The following LZTR1 variants were observed in gnomAD, a reference collection of about 807,000 sequenced individuals.
LZTR1 encodes the protein leucine-zipper-like transcriptional regulator 1.
In LZTR1, 260 loss-of-function variants were observed where a neutral mutation model predicts 105.7. The ratio of observed to expected loss-of-function variants is 2.46; its 90% CI spans 2.22 to 2.72. The LOEUF (loss-of-function observed/expected upper bound fraction) is 2.72. Ranked by LOEUF, LZTR1 falls within the 30% of genes most tolerant of loss-of-function variation. The pLI is 0.00. For synonymous variants in LZTR1, 490 were observed against 476.4 expected (o/e 1.03, Z -0.37); for missense variants, 1,214 against 1,166.9 (o/e 1.04, Z -0.59).
At chr22:20,988,995 C>T in intron 6 of LZTR1, 123 bp downstream of exon 6, 1 of 830,740 alleles carries the variant, frequency 1.2e-6, no homozygotes, top group East Asian at 2.6e-5. Flanking sequence ...TTGAGTGCCA[C>T]TCTGTCTGGG....
chr22:20,985,831 T>A lies in LZTR1; in HGVS notation c.264-10T>A. The A allele has an allele frequency of 6.2e-7, 1 of 1,614,054 alleles. No individual in the cohort carries two copies. Among genetic ancestry groups the A allele is most frequent in the Non-Finnish European group, 8.5e-7 (1 of 1,179,952 alleles). On this transcript the variant is annotated splice_polypyrimidine_tract_variant and intron_variant, in intron 2 of 20. Coordinates refer to ENST00000646124, the MANE Select transcript of LZTR1 (RefSeq NM_006767.4). ...GGCTAATGCCACCCTCTCTTCCGGCTGCCTTTCAGGAAGACCATGCTCAAT... is the reference window on the plus strand; with the variant it reads ...GGCTAATGCCACCCTCTCTTCCGGCAGCCTTTCAGGAAGACCATGCTCAAT...
chr22:20,996,068 C>T lies in LZTR1; in HGVS notation c.2175C>T (p.Arg725=), dbSNP rs1257153938. Reference sequence around the variant, plus strand: ...GGCAGGCCTTCGAGTCCATGCTGCGCTACATCTACTACGGCGAGGTCAACA... The same window carrying T: ...GGCAGGCCTTCGAGTCCATGCTGCGTTACATCTACTACGGCGAGGTCAACA... ...PSRQAFESML[R]YIYYGEVNMP... Residue 725 remains arginine, a synonymous_variant, in exon 18 of 21, where the codon CGC becomes CGT. Coordinates refer to ENST00000646124, the MANE Select transcript of LZTR1 (RefSeq NM_006767.4). 6.2e-7 allele frequency: 1 copy of T among 1,613,354 alleles called. No individual in the cohort carries two copies. Among genetic ancestry groups the T allele is most frequent in the South Asian group, 1.1e-5 (1 of 91,090 alleles).
At position 20,984,275 on chromosome 22, in the gene LZTR1, T is replaced by C. The variant is rs145810579; in HGVS notation, c.263+1186T>C. On this transcript the variant is annotated intron_variant, in intron 2 of 20. Transcript: ENST00000646124. ...CTCCTTTTACCATTGTATCCTGGCA[T>C]CTAGAAAACTCCATAAATGTTTGTC... 1.6e-4 allele frequency among the ~76,000 whole-genome samples: 25 copies of C among 152,306 alleles called. No homozygotes were observed. The East Asian group carries it at 4.1e-3, about 25-fold the overall frequency.
rs1012580164 is a variant in LZTR1 at position 20,997,555 on chromosome 22, G to C, written c.*207G>C. On this transcript the variant is annotated 3_prime_UTR_variant, in exon 21 of 21. Transcript: ENST00000646124. Reference sequence around the variant, plus strand: ...GAAGACACAGGTCCCACAGGGAGCGGATGATGAAGCAGACCCCCTCCTGTC... The same window carrying C: ...GAAGACACAGGTCCCACAGGGAGCGCATGATGAAGCAGACCCCCTCCTGTC... 1.9e-6 allele frequency: 1 copy of C among 538,480 alleles called. No individual in the cohort carries two copies. Among genetic ancestry groups the C allele is most frequent in the Non-Finnish European group, 3.4e-6 (1 of 297,724 alleles). The allele number at this position is 538,480 out of a possible 1,614,324, so 33.4% of individuals were successfully genotyped here.
chr22:20,986,940 A>G lies in LZTR1; in HGVS notation c.321-564A>G, dbSNP rs889275685. ...TAAAAAATTTCATGGAAGCCTAAGTATGCGTAGGAGAGGTGTGCAGGGAAG... is the reference window on the plus strand; with the variant it reads ...TAAAAAATTTCATGGAAGCCTAAGTGTGCGTAGGAGAGGTGTGCAGGGAAG... On this transcript the variant is annotated intron_variant, in intron 3 of 20. Transcript: ENST00000646124. The G allele has an allele frequency of 4.6e-5, 7 of 152,358 alleles. No individual in the cohort carries two copies. The East Asian group carries it at 7.7e-4, about 17-fold the overall frequency. 9.4% of individuals were successfully genotyped at this position (152,358 alleles called of 1,614,324 possible).
Position 20,987,555 on chromosome 22 carries a change from C to G in LZTR1, c.372C>G (p.Val124=), listed in dbSNP as rs371891909. The G allele has an allele frequency of 1.9e-6, 3 of 1,614,162 alleles. No homozygotes were observed. The highest frequency in any genetic ancestry group is 2.5e-6 in the Non-Finnish European group (3 of 1,180,022). The part of the protein sequence containing the change: ...PPAPRYHHSA[V]VYGSSMFVFG... ...CCCCCCGTTACCACCACTCGGCCGT[C>G]GTCTATGGGAGCAGCATGTTTGTCT... The change falls in exon 4 of 21, where the codon GTC becomes GTG. Residue 124 remains valine, a synonymous_variant. Transcript: ENST00000646124.
rs1569154722 is a variant in LZTR1, at chr22:20,988,095, G to A, written c.486G>A (p.Trp162Ter). ...AATACAAGTTTGCAACTGGCCAGTG[G>A]ACGGAGTGGAAAATTGAAGGACGGT... ...LFEYKFATGQWTEWKIEGRLP... is the reference protein window; with the variant it reads ...LFEYKFATGQ Residue 162 changes from tryptophan to a stop codon, truncating the protein, a stop_gained, in exon 5 of 21, where the codon TGG (tryptophan) becomes TGA (stop). Transcript: ENST00000646124. LOFTEE classifies it high-confidence loss of function. 1.9e-6 allele frequency: 3 copies of A among 1,611,818 alleles called. No individual in the cohort carries two copies. The highest frequency in any genetic ancestry group is 2.2e-5 in the East Asian group (1 of 44,876).
In LZTR1 at chr22:20,992,835, G is replaced by A. The variant is rs766203090; in HGVS notation, c.1191G>A (p.Ser397=). 25 of 1,609,034 alleles carry A rather than the reference G, an allele frequency of 1.6e-5. No individual in the cohort carries two copies. The South Asian group carries it at 2.2e-4, about 14-fold the overall frequency. The change falls in exon 11 of 21, where the codon TCG becomes TCA. Residue 397 remains serine, a synonymous_variant. Transcript: ENST00000646124. ...GRLFHAAAVI[S]DAMYIFGGTV... is the part of the protein sequence containing the mutation. ...TCTTCCACGCGGCTGCTGTCATCTC[G>A]GACGCCATGTACATCTTCGGGGGCA...
rs755657932 is a variant in LZTR1 at position 20,994,141 on chromosome 22, C to T, written c.1487C>T (p.Ala496Val). The T allele has an allele frequency of 1.3e-6, 2 of 1,589,874 alleles. No individual in the cohort carries two copies. Among genetic ancestry groups the T allele is most frequent in the African/African-American group, 1.3e-5 (1 of 74,528 alleles). ...GAGGCCGCCCCAGTTCCCAGGGAGG[C>T]CCCCGGCGTGGCTGCTGGTGGGGCC... Reference protein sequence around the residue: ...EQEAAPVPREAPGVAAGGARP... With the variant: ...EQEAAPVPREVPGVAAGGARP... Residue 496 changes from alanine to valine, a missense_variant, in exon 14 of 21, where the codon GCC (alanine) becomes GTC (valine). Physicochemically the swap from Ala to Val is moderately conservative, Grantham distance 64. Transcript: ENST00000646124.
Position 20,992,848 on chromosome 22 carries a change from A to G in LZTR1, c.1204A>G (p.Ile402Val). The G allele has an allele frequency of 6.2e-7, 1 of 1,610,220 alleles. No homozygotes were observed. Among genetic ancestry groups the G allele is most frequent in the Non-Finnish European group, 8.5e-7 (1 of 1,178,480 alleles). ...AAAVISDAMYIFGGTVDNNIR... is the reference protein window; with the variant it reads ...AAAVISDAMYVFGGTVDNNIR... ...TGCTGTCATCTCGGACGCCATGTAC[A>G]TCTTCGGGGGCACGGTGGACAACAA... The change falls in exon 11 of 21, where the codon ATC becomes GTC. Residue 402 changes from isoleucine to valine, a missense_variant. Coordinates refer to ENST00000646124, the MANE Select transcript of LZTR1 (RefSeq NM_006767.4).
chr22:20,983,721 T>G (rs1422804992), intron 2 of LZTR1, among the ~76,000 whole-genome samples: 1 of 152,178 alleles, frequency 6.6e-6, no homozygotes, highest in Admixed American at 6.5e-5. Context: ...GTAGGCCTCC[T>G]TGGGGGGCGG....
At chr22:20,986,629 TGATA>T (rs1924398520) in intron 3 of LZTR1, 3 of 152,042 alleles carry the variant, frequency 2.0e-5, no homozygotes, top group South Asian at 4.1e-4. Context: ...GGTAGATAGA[TGATA>T]GATGACAGAT....
At chr22:20,996,824 A>G (rs755745763) in intron 19 of LZTR1, 23 bp downstream of exon 19, 14 of 1,612,240 alleles carry the variant, frequency 8.7e-6, no homozygotes, top group Non-Finnish European at 1.2e-5. Context: ...CCCCGTGCAC[A>G]TGGCTGCAGC....
Position 20,997,503 on chromosome 22 carries a change from G to A in LZTR1, c.*155G>A. 1 of 625,818 alleles carries A rather than the reference G, an allele frequency of 1.6e-6. No homozygotes were observed. Among genetic ancestry groups the A allele is most frequent in the Non-Finnish European group, 2.8e-6 (1 of 354,742 alleles). 38.8% of individuals were successfully genotyped at this position (625,818 alleles called of 1,614,324 possible). ...AGCCTCCAAAGAGAGCTGAGGGGAT[G>A]TGGGGCCCCAAACTCATTAATTCAC... On this transcript the variant is annotated 3_prime_UTR_variant, in exon 21 of 21. Transcript: ENST00000646124.
chr22:20,990,442 C>T lies in LZTR1; in HGVS notation c.708C>T (p.Cys236=), dbSNP rs2147964053. 6.2e-7 allele frequency: 1 copy of T among 1,614,006 alleles called. No individual in the cohort carries two copies. The highest frequency in any genetic ancestry group is 8.5e-7 in the Non-Finnish European group (1 of 1,179,968). ...GCTGCAACTTCCCCGTGGCTGTGTG[C>T]CGGGACAAGATGTTTGTATTCTCTG... ...PSCCNFPVAV[C]RDKMFVFSGQ... The change falls in exon 8 of 21, where the codon TGC becomes TGT. Residue 236 remains cysteine, a synonymous_variant. Coordinates refer to ENST00000646124, the MANE Select transcript of LZTR1 (RefSeq NM_006767.4).
At chr22:20,989,326 G>T (rs1044727965) in intron 6 of LZTR1, among the ~76,000 whole-genome samples, 13 of 152,246 alleles carry the variant, frequency 8.5e-5, no homozygotes, top group Admixed American at 7.8e-4. Context: ...GTGGCATCTG[G>T]GATATCTGTG....
chr22:20,994,496 T>C, intron 14 of LZTR1, 62 bp from the exon 15 acceptor site: 1 of 1,545,344 alleles, frequency 6.5e-7, no homozygotes, highest in Non-Finnish European at 8.8e-7. Context: ...GGGGGAGCCC[T>C]GCGCCCTGTG....
In LZTR1 at chr22:20,994,600, T is replaced by C. The variant is rs1349551741; in HGVS notation, c.1658T>C (p.Leu553Pro). Residue 553 changes from leucine (L) to proline (P), a missense_variant, in exon 15 of 21, where the codon CTG becomes CCG. Physicochemically the swap from Leu to Pro is moderately conservative, Grantham distance 98 (BLOSUM62 -3). Coordinates refer to ENST00000646124, the MANE Select transcript of LZTR1 (RefSeq NM_006767.4). ...CTGCTCATCATGGATGTGTACAAACTGGCACTGAGCTTCCAGTTGTGCCGC... is the reference window on the plus strand; with the variant it reads ...CTGCTCATCATGGATGTGTACAAACCGGCACTGAGCTTCCAGTTGTGCCGC... Reference protein sequence around the residue: ...DVLLIMDVYKLALSFQLCRLE... With the variant: ...DVLLIMDVYKPALSFQLCRLE... 3 of 1,612,522 alleles carry C rather than the reference T, an allele frequency of 1.9e-6. No individual in the cohort carries two copies. The highest frequency in any genetic ancestry group is 1.1e-5 in the South Asian group (1 of 91,090).
intron 1 of LZTR1, 78 bp downstream of exon 1, chr22:20,982,649 C>CG (rs1924238993): frequency 2.1e-6 from 3 of 1,418,244 alleles, no homozygotes; most frequent in African/African-American, 2.8e-5. Flanking sequence ...GGGGCGAAGC[C>CG]GGGGGGTGGT....
Sources: gnomAD v4.1 joint callset for allele counts (sites outside exome capture counted in the v4.1 genomes callset) on GRCh38, gnomAD v4.1.1 for gene constraint, MANE v1.5 for transcripts, NCBI Gene and HGNC (gene_info 2026-07-23, HGNC 2026-07-21) for gene names.